Variants in MDGA2 observed in about 807,000 individuals in gnomAD.
The protein encoded by MDGA2 is MAM domain containing glycosylphosphatidylinositol anchor 2, also known as MAM domain-containing glycosylphosphatidylinositol anchor protein 2.
Under a neutral mutation model 117.8 loss-of-function variants are expected in MDGA2, and 40 were observed. The observed-to-expected ratio is 0.34, with a 90% CI of 0.26 to 0.44. The LOEUF (loss-of-function observed/expected upper bound fraction) is 0.44. Among genes scored for constraint, MDGA2 ranks in the 20% least tolerant of loss-of-function variants. MDGA2 has a pLI of 1.00. For synonymous variants in MDGA2, 452 were observed against 439.0 expected, an observed-to-expected ratio of 1.03 and a Z score of -0.37; for missense variants, 1,123 against 1,250.6, an observed-to-expected ratio of 0.90 and a Z score of 1.54.
chr14:46,941,979 C>A (rs544443356), intron 9 of MDGA2, among the ~76,000 whole-genome samples: 1 of 152,152 alleles, frequency 6.6e-6, no homozygotes, highest in Non-Finnish European at 1.5e-5. Context: ...ACTGTCTCTG[C>A]TTACAAAATG....
At chr14:47,090,117 A>G (rs1879553235) in intron 6 of MDGA2, among the ~76,000 whole-genome samples, 1 of 149,464 alleles carries the variant, frequency 6.7e-6, no homozygotes, top group Non-Finnish European at 1.5e-5. Context: ...TTTCAGTCAA[A>G]TAAGTTCAGA....
intron 2 of MDGA2, among the ~76,000 whole-genome samples, chr14:47,224,750 T>C (rs879469886): frequency 1.3e-5 from 2 of 152,162 alleles, no homozygotes. Flanking sequence ...CCTAAAAAGG[T>C]TACAGAGTGC....
chr14:47,000,470 T>G (rs1887492648), intron 8 of MDGA2, among the ~76,000 whole-genome samples: 1 of 144,880 alleles, frequency 6.9e-6, no homozygotes, highest in Non-Finnish European at 1.5e-5. Flanking sequence ...TATATATGTA[T>G]AACAGGTTGC....
intron 2 of MDGA2, among the ~76,000 whole-genome samples, chr14:47,300,972 A>G (rs532720100): frequency 2.6e-5 from 4 of 152,290 alleles, no homozygotes; most frequent in African/African-American, 9.6e-5. Context: ...AGGAGTAAGA[A>G]AAGTATGTGT....
chr14:47,659,444 T>A (rs1046853233), intron 1 of MDGA2, among the ~76,000 whole-genome samples: 1 of 152,210 alleles, frequency 6.6e-6, no homozygotes, highest in African/African-American at 2.4e-5. Context: ...CTTAGAAATA[T>A]CTTAAGAAAG....
chr14:47,428,251 ATCAT>A (rs1386164549), intron 1 of MDGA2, among the ~76,000 whole-genome samples: 1 of 152,144 alleles, frequency 6.6e-6, no homozygotes, highest in Non-Finnish European at 1.5e-5. Context: ...TCATATTAGT[ATCAT>A]TCAGTCATTC....
intron 4 of MDGA2, among the ~76,000 whole-genome samples, chr14:47,138,350 C>G (rs1322148815): frequency 6.6e-6 from 1 of 151,832 alleles, no homozygotes; most frequent in East Asian, 1.9e-4. Context: ...CTAATTATAA[C>G]TAATTAGGTA....
At chr14:47,286,613 T>G (rs932584427) in intron 2 of MDGA2, among the ~76,000 whole-genome samples, 4 of 151,936 alleles carry the variant, frequency 2.6e-5, no homozygotes, top group African/African-American at 9.7e-5. Context: ...ATACACTACA[T>G]GTCCATTATC....
intron 7 of MDGA2, among the ~76,000 whole-genome samples, chr14:47,054,979 G>A (rs762861894): frequency 2.3e-4 from 32 of 138,052 alleles, no homozygotes; most frequent in African/African-American, 7.8e-4. Context: ...GCTTGTCCCC[G>A]TTGTCCAATT....
chr14:47,394,942 C>T (rs1360818702), intron 1 of MDGA2, among the ~76,000 whole-genome samples: 1 of 152,086 alleles, frequency 6.6e-6, no homozygotes, highest in Non-Finnish European at 1.5e-5. Flanking sequence ...TACTTGAGGG[C>T]AGGAGTTCAA....
intron 1 of MDGA2, among the ~76,000 whole-genome samples, chr14:47,359,339 C>A (rs143948718): frequency 4.6e-5 from 7 of 151,522 alleles, no homozygotes; most frequent in Admixed American, 4.0e-4. Context: ...GGTGACATAG[C>A]GAGACTCTGT....
chr14:47,537,663 T>C (rs938582003), intron 1 of MDGA2, among the ~76,000 whole-genome samples: 1 of 145,218 alleles, frequency 6.9e-6, no homozygotes, highest in Non-Finnish European at 1.5e-5. Context: ...GTCACATTAC[T>C]GTTTAAATTC....
intron 1 of MDGA2, among the ~76,000 whole-genome samples, chr14:47,546,330 G>A (rs1895462493): frequency 6.6e-6 from 1 of 152,096 alleles, no homozygotes; most frequent in Non-Finnish European, 1.5e-5. Context: ...AGTCCTGCTG[G>A]AAAACACTCA....
chr14:47,408,127 C>T (rs927078859), intron 1 of MDGA2, among the ~76,000 whole-genome samples: 1 of 135,700 alleles, frequency 7.4e-6, no homozygotes, highest in African/African-American at 2.8e-5. Context: ...ACAATCTTGG[C>T]TCAGTGCAAC....
intron 8 of MDGA2, among the ~76,000 whole-genome samples, chr14:47,018,464 T>G (rs1246391435): frequency 6.6e-6 from 1 of 152,092 alleles, no homozygotes; most frequent in Non-Finnish European, 1.5e-5. Context: ...TCCTCTTAGC[T>G]TCTAGAAATC....
chr14:47,079,580 C>T (rs1020594260), intron 6 of MDGA2, among the ~76,000 whole-genome samples: 10 of 151,948 alleles, frequency 6.6e-5, no homozygotes, highest in African/African-American at 2.4e-4. Flanking sequence ...GCCAAATTAT[C>T]CCTTTGCACT....
intron 1 of MDGA2, among the ~76,000 whole-genome samples, chr14:47,661,997 A>G (rs1005513931): frequency 5.3e-5 from 8 of 152,142 alleles, no homozygotes; most frequent in Non-Finnish European, 1.2e-4. Context: ...TCGGCCTCTC[A>G]AAGTGCTGGG....
intron 6 of MDGA2, among the ~76,000 whole-genome samples, chr14:47,081,910 T>C (rs565013981): frequency 6.6e-6 from 1 of 152,296 alleles, no homozygotes; most frequent in Non-Finnish European, 1.5e-5. Flanking sequence ...ACTATGTAAA[T>C]ACATCAGATT....
At chr14:47,412,800 A>T (rs929772969) in intron 1 of MDGA2, among the ~76,000 whole-genome samples, 1 of 152,206 alleles carries the variant, frequency 6.6e-6, no homozygotes, top group Non-Finnish European at 1.5e-5. Context: ...CACAAACCAC[A>T]TGTTGCCCAT....
Sources: gnomAD v4.1 joint callset for allele counts (sites outside exome capture counted in the v4.1 genomes callset) on GRCh38, gnomAD v4.1.1 for gene constraint, MANE v1.5 for transcripts, NCBI Gene and HGNC (gene_info 2026-07-23, HGNC 2026-07-21) for gene names.